The following SLC17A1 variants were observed in gnomAD, a reference collection of about 807,000 sequenced individuals.
The protein encoded by SLC17A1 is solute carrier family 17 member 1, also known as sodium-dependent phosphate transport protein 1.
A neutral mutation model predicts 53.5 loss-of-function variants in SLC17A1; 51 were observed. That is an observed-to-expected ratio of 0.95 (90% CI 0.76 to 1.20). The LOEUF (loss-of-function observed/expected upper bound fraction) is 1.20, where lower values mean the gene tolerates loss of function less well. Among genes scored for constraint, SLC17A1 ranks in the 50% most tolerant of loss-of-function variants. The pLI, the probability that SLC17A1 is intolerant of heterozygous loss-of-function variation, is 0.00. For missense variants in SLC17A1, 538 were observed against 568.2 expected, an observed-to-expected ratio of 0.95 and a Z score of 0.54; for synonymous variants, 179 against 198.8, an observed-to-expected ratio of 0.90 and a Z score of 0.84.
At chr6:25,813,065 G>C (rs778901150) in intron 7 of SLC17A1, 30 bp downstream of exon 7, 4 of 1,611,202 alleles carry the variant, frequency 2.5e-6, no homozygotes, top group African/African-American at 2.7e-5. Context: ...TAGAATCTGG[G>C]AGATGCCAAT....
the SLC17A1 span, chr6:25,777,596 ACAAC>A: frequency 4.9e-6 from 1 of 203,388 alleles, no homozygotes; most frequent in African/African-American, 2.4e-5. Flanking sequence ...AACAACAACA[ACAAC>A]AACAACAAAA....
intron 3 of SLC17A1, among the ~76,000 whole-genome samples, chr6:25,820,327 C>T (rs566468465): frequency 1.3e-5 from 2 of 152,280 alleles, no homozygotes; most frequent in East Asian, 3.9e-4. Context: ...TTCTCTAACT[C>T]CTCCATTAAT....
the SLC17A1 span, among the ~76,000 whole-genome samples, chr6:25,725,090 C>T: frequency 3.4e-5 from 5 of 149,234 alleles, no homozygotes; most frequent in East Asian, 8.0e-4. Flanking sequence ...TATTTGGCAG[C>T]GTTACTGAAT....
At chr6:25,798,255 C>T (rs1030238042) in intron 12 of SLC17A1, among the ~76,000 whole-genome samples, 2 of 152,130 alleles carry the variant, frequency 1.3e-5, no homozygotes, top group African/African-American at 2.4e-5. Flanking sequence ...ATTCATTTAC[C>T]ACTGATAGAG....
chr6:25,729,093 A>C, the SLC17A1 span, among the ~76,000 whole-genome samples: 1 of 152,230 alleles, frequency 6.6e-6, no homozygotes, highest in African/African-American at 2.4e-5. Flanking sequence ...CTTTGTGACC[A>C]CTGTCAGACT....
chr6:25,765,500 G>A, the SLC17A1 span, among the ~76,000 whole-genome samples: 1 of 152,124 alleles, frequency 6.6e-6, no homozygotes, highest in African/African-American at 2.4e-5. Context: ...ACGTTATTAC[G>A]GGGAAATTGA....
At chr6:25,727,174 C>T in the SLC17A1 span, 4 of 1,614,162 alleles carry the variant, frequency 2.5e-6, no homozygotes, top group Non-Finnish European at 2.5e-6. Flanking sequence ...AGCAAGCGCT[C>T]CACCATTTCT....
At chr6:25,830,429 A>T in intron 2 of SLC17A1, 95 bp downstream of exon 2, 1 of 958,674 alleles carries the variant, frequency 1.0e-6, no homozygotes, top group Non-Finnish European at 1.7e-6. Flanking sequence ...TTAAGACCCC[A>T]TATGTATATC....
chr6:25,826,926 T>A (rs62394271), intron 2 of SLC17A1, among the ~76,000 whole-genome samples: 13,662 of 152,182 alleles, frequency 0.09, 779 homozygotes, highest in Non-Finnish European at 0.12. Context: ...ATACCCTGTG[T>A]TACTCTTGGA....
chr6:25,743,082 A>G, the SLC17A1 span, among the ~76,000 whole-genome samples: 1 of 152,202 alleles, frequency 6.6e-6, no homozygotes, highest in Non-Finnish European at 1.5e-5. Context: ...AAGCCATGGA[A>G]ATGAATGAGA....
chr6:25,813,350 G>A, intron 6 of SLC17A1, 137 bp from the exon 7 acceptor site: 1 of 704,992 alleles, frequency 1.4e-6, no homozygotes, highest in South Asian at 1.8e-5. Flanking sequence ...CAAGACTTGT[G>A]TTTTTCAGTC....
chr6:25,726,504 T>C, the SLC17A1 span: 72 of 1,610,646 alleles, frequency 4.5e-5, no homozygotes, highest in South Asian at 6.8e-4. Flanking sequence ...GTGCTTTTCC[T>C]CCCTGCTTCC....
rs1460382117 is a variant in SLC17A1, at chr6:25,801,636, G to T, written c.1179-656C>A. 3.3e-5 allele frequency among the ~76,000 whole-genome samples: 5 copies of T among 152,210 alleles called. No homozygotes were observed. The East Asian group carries it at 7.7e-4, about 23-fold the overall frequency. On this transcript the variant is annotated intron_variant, in intron 10 of 12. Coordinates refer to ENST00000244527, the MANE Select transcript of SLC17A1 (RefSeq NM_005074.5). ...GGGAGTCCGTTTTTCCTGCCCTGTA[G>T]ATTTCATCATTAAAGTTCAGTGTGT...
chr6:25,788,518 A>C (rs573987976), intron 12 of SLC17A1, among the ~76,000 whole-genome samples: 1 of 152,330 alleles, frequency 6.6e-6, no homozygotes, highest in Admixed American at 6.5e-5. Context: ...GTGTTCATGC[A>C]GGAGGACAGC....
intron 6 of SLC17A1, among the ~76,000 whole-genome samples, chr6:25,815,508 C>A (rs551410756): frequency 3.9e-5 from 6 of 152,064 alleles, no homozygotes; most frequent in Admixed American, 3.9e-4. Context: ...CTTCTTTTCC[C>A]CTTTCCCCTT....
chr6:25,776,473 T>G, the SLC17A1 span: 2 of 1,162,488 alleles, frequency 1.7e-6, no homozygotes, highest in Non-Finnish European at 2.4e-6. Context: ...AACATGGAAT[T>G]TGTATTAAAA....
intron 10 of SLC17A1, among the ~76,000 whole-genome samples, chr6:25,810,021 G>A (rs1317140957): frequency 6.6e-6 from 1 of 151,742 alleles, no homozygotes; most frequent in Non-Finnish European, 1.5e-5. Flanking sequence ...AGGGAAGGAT[G>A]GTGTCTTCAA....
At chr6:25,725,988 C>T in the SLC17A1 span, 142 of 726,156 alleles carry the variant, frequency 2.0e-4, 2 homozygotes, top group East Asian at 1.0e-3. Flanking sequence ...CTTAAACGGG[C>T]ATTTGTGACA....
At chr6:25,805,794 T>C (rs1452658762) in intron 10 of SLC17A1, among the ~76,000 whole-genome samples, 1 of 151,992 alleles carries the variant, frequency 6.6e-6, no homozygotes, top group African/African-American at 2.4e-5. Context: ...CCTGGAAACA[T>C]ACAACCCTTC....
Sources: gnomAD v4.1 joint callset for allele counts (sites outside exome capture counted in the v4.1 genomes callset) on GRCh38, gnomAD v4.1.1 for gene constraint, MANE v1.5 for transcripts, NCBI Gene and HGNC (gene_info 2026-07-23, HGNC 2026-07-21) for gene names.